ADCY8: variants seen among roughly 807,000 people sequenced by gnomAD.
ADCY8 encodes the protein adenylate cyclase type 8.
A neutral mutation model predicts 119.7 loss-of-function variants in ADCY8; 51 were observed. The ratio of observed to expected loss-of-function variants is 0.43; its 90% CI spans 0.34 to 0.54. The LOEUF is 0.54. ADCY8 is among the 20% of genes least tolerant of loss of function. The pLI, the probability that ADCY8 is intolerant of heterozygous loss-of-function variation, is 0.03. For synonymous variants in ADCY8, 665 were observed against 651.0 expected (o/e 1.02, Z -0.33); for missense variants, 1,383 against 1,598.8 (o/e 0.87, Z 2.30).
chr8:130,830,528 TAG>T (rs1240217242), intron 12 of ADCY8, among the ~76,000 whole-genome samples: 2 of 152,094 alleles, frequency 1.3e-5, no homozygotes, highest in African/African-American at 4.8e-5. Flanking sequence ...TCTCTCTCAA[TAG>T]AGAGAGAGCT....
intron 9 of ADCY8, among the ~76,000 whole-genome samples, chr8:130,862,156 T>C (rs2130369443): frequency 6.6e-6 from 1 of 152,258 alleles, no homozygotes; most frequent in Admixed American, 6.5e-5. Context: ...TTTTGTTAAT[T>C]TTCTTTATTG....
intron 2 of ADCY8, among the ~76,000 whole-genome samples, chr8:130,970,228 CA>C (rs1821882172): frequency 6.6e-6 from 1 of 152,154 alleles, no homozygotes; most frequent in African/African-American, 2.4e-5. Flanking sequence ...AAGCAGTGGG[CA>C]AGCCGACAAG....
At chr8:130,853,835 T>C (rs1817620591) in intron 9 of ADCY8, among the ~76,000 whole-genome samples, 1 of 152,160 alleles carries the variant, frequency 6.6e-6, no homozygotes, top group Non-Finnish European at 1.5e-5. Flanking sequence ...GCATAACTAG[T>C]AGTGTGGTCA....
At chr8:130,925,150 A>C (rs1003093643) in intron 5 of ADCY8, among the ~76,000 whole-genome samples, 4 of 152,144 alleles carry the variant, frequency 2.6e-5, no homozygotes, top group African/African-American at 9.7e-5. Flanking sequence ...GGTTGCAATG[A>C]GCCAAGATCG....
chr8:130,936,235 A>G (rs1820783123), intron 5 of ADCY8, among the ~76,000 whole-genome samples: 1 of 152,064 alleles, frequency 6.6e-6, no homozygotes, highest in Non-Finnish European at 1.5e-5. Context: ...TTCTGTCTGA[A>G]AGCCACACAC....
At chr8:130,943,009 ACT>A (rs1204119532) in intron 4 of ADCY8, among the ~76,000 whole-genome samples, 1 of 152,226 alleles carries the variant, frequency 6.6e-6, no homozygotes, top group East Asian at 1.9e-4. Flanking sequence ...GGCCATCATT[ACT>A]GCATGCATGA....
Position 130,839,933 on chromosome 8 carries a change from C to T in ADCY8, c.2503-3484G>A, listed in dbSNP as rs751151991. 1.5e-4 allele frequency among the ~76,000 whole-genome samples: 21 copies of T among 139,730 alleles called. 5 individuals are homozygous for T. Among genetic ancestry groups the T allele is most frequent in the South Asian group, 2.9e-4 (1 of 3,492 alleles). 91.7% of individuals were successfully genotyped at this position (139,730 alleles called of 152,430 possible). A position where few individuals can be genotyped will look rare whatever the true frequency, so the allele number is the denominator to read the frequency against. Reference sequence around the variant, plus strand: ...ATAAATTGCGGTAGGGTAGAATATACGATGTATCAGGATTAATTGAGAAAA... The same window carrying T: ...ATAAATTGCGGTAGGGTAGAATATATGATGTATCAGGATTAATTGAGAAAA... On this transcript the variant is annotated intron_variant, in intron 11 of 17. Coordinates refer to ENST00000286355, the MANE Select transcript of ADCY8 (RefSeq NM_001115.3).
chr8:131,030,528 T>G (rs1289846057), intron 1 of ADCY8, among the ~76,000 whole-genome samples: 1 of 152,182 alleles, frequency 6.6e-6, no homozygotes, highest in Non-Finnish European at 1.5e-5. Flanking sequence ...TGTAAAATAT[T>G]TACTGAATCC....
At chr8:130,807,609 C>A (rs2130139216) in intron 14 of ADCY8, among the ~76,000 whole-genome samples, 1 of 152,302 alleles carries the variant, frequency 6.6e-6, no homozygotes, top group South Asian at 2.1e-4. Context: ...GGGCCCACAC[C>A]AGACATGAAA....
chr8:131,034,424 TACTATACA>T (rs1408500887), intron 1 of ADCY8, among the ~76,000 whole-genome samples: 4 of 152,076 alleles, frequency 2.6e-5, no homozygotes, highest in Non-Finnish European at 1.5e-5. Context: ...AACTTACTCA[TACTATACA>T]CCACTATCTT....
chr8:130,966,867 C>T (rs964449804), intron 2 of ADCY8, among the ~76,000 whole-genome samples: 3 of 152,118 alleles, frequency 2.0e-5, no homozygotes, highest in Non-Finnish European at 2.9e-5. Flanking sequence ...CACATTGTAA[C>T]CACAACCCAA....
At chr8:130,801,476 T>C (rs868278001) in intron 14 of ADCY8, among the ~76,000 whole-genome samples, 1 of 152,202 alleles carries the variant, frequency 6.6e-6, no homozygotes, top group Non-Finnish European at 1.5e-5. Context: ...TCTTCAGCAA[T>C]TTACTTTTTC....
intron 1 of ADCY8, among the ~76,000 whole-genome samples, chr8:131,032,905 T>C (rs762704191): frequency 5.9e-5 from 9 of 152,186 alleles, no homozygotes; most frequent in Non-Finnish European, 1.0e-4. Flanking sequence ...GAAAATTCTT[T>C]ATATAACTCA....
chr8:131,016,556 G>T (rs547098329), intron 1 of ADCY8, among the ~76,000 whole-genome samples: 1 of 152,182 alleles, frequency 6.6e-6, no homozygotes, highest in South Asian at 2.1e-4. Context: ...TCACTGATTG[G>T]GTCACTTTTG....
At chr8:131,038,475 T>C (rs193227761) in intron 1 of ADCY8, among the ~76,000 whole-genome samples, 2 of 152,330 alleles carry the variant, frequency 1.3e-5, no homozygotes, top group Admixed American at 6.5e-5. Context: ...TAATTAGCTA[T>C]TGGTTCTAGT....
chr8:130,839,914 T>G (rs1209716548), intron 11 of ADCY8, among the ~76,000 whole-genome samples: 2 of 140,006 alleles, frequency 1.4e-5, no homozygotes, highest in African/African-American at 4.9e-5. Flanking sequence ...AGAAATAAAT[T>G]GCGGTAGGGT....
chr8:130,798,211 T>C (rs1586423253), intron 15 of ADCY8, among the ~76,000 whole-genome samples: 1 of 152,176 alleles, frequency 6.6e-6, no homozygotes, highest in Admixed American at 6.5e-5. Flanking sequence ...GTAAACAGGG[T>C]GGTACTGAAG....
At position 130,838,672 on chromosome 8, in the gene ADCY8, A is replaced by C. The variant is rs1196874392; in HGVS notation, c.2503-2223T>G. Among the ~76,000 whole-genome samples the C allele has an allele frequency of 5.6e-5, 8 of 141,616 alleles. 2 individuals are homozygous for C. The highest frequency in any genetic ancestry group is 3.6e-4 in the Admixed American group (5 of 14,040). The allele number at this position is 141,616 out of a possible 152,430, so 92.9% of individuals were successfully genotyped here. A position where few individuals can be genotyped will look rare whatever the true frequency, so the allele number is the denominator to read the frequency against. On this transcript the variant is annotated intron_variant, in intron 11 of 17. Coordinates refer to ENST00000286355, the MANE Select transcript of ADCY8 (RefSeq NM_001115.3). ...ATTGAAATGATTGTGTCCTTGGAAC[A>C]AAAACTTATGTGGTCACAACAGTTA...
In ADCY8 at chr8:130,926,886, A is replaced by G. The variant is rs183111142; in HGVS notation, c.1481+10187T>C. Among the ~76,000 whole-genome samples, 676 of 151,556 alleles carry G rather than the reference A, an allele frequency of 4.5e-3. 3 individuals carry two copies. The highest frequency in any genetic ancestry group is 0.012 in the South Asian group (57 of 4,810). On this transcript the variant is annotated intron_variant, in intron 5 of 17. Coordinates refer to ENST00000286355, the MANE Select transcript of ADCY8 (RefSeq NM_001115.3). ...TTTAACATAATGTCCACGTTCATCT[A>G]TATTATTGAAAATGCCAGGATTTCC...
Sources: gnomAD v4.1 joint callset for allele counts (sites outside exome capture counted in the v4.1 genomes callset) on GRCh38, gnomAD v4.1.1 for gene constraint, MANE v1.5 for transcripts, NCBI Gene and HGNC (gene_info 2026-07-23, HGNC 2026-07-21) for gene names.